The following SPTB variants were observed in gnomAD, a reference collection of about 807,000 sequenced individuals.
SPTB encodes spectrin beta, erythrocytic.
A neutral mutation model predicts 256.2 loss-of-function variants in SPTB; 45 were observed. The ratio of observed to expected loss-of-function variants is 0.18; its 90% confidence interval spans 0.14 to 0.23. The LOEUF (loss-of-function observed/expected upper bound fraction) is 0.23, where lower values mean the gene tolerates loss of function less well. SPTB is among the 10% of genes least tolerant of loss of function. The probability of loss-of-function intolerance (pLI) is 1.00; values close to 1 mark genes in which losing one functional copy is unlikely to be tolerated. For synonymous variants in SPTB, 1,231 were observed against 1,243.1 expected (o/e 0.99, Z 0.21); for missense variants, 2,715 against 3,040.4 (o/e 0.89, Z 2.52).
In SPTB at chr14:64,800,348, C is replaced by T. The variant is rs148565557; in HGVS notation, c.876+408G>A. On this transcript the variant is annotated intron_variant, in intron 8 of 35. Coordinates refer to ENST00000644917, the MANE Select transcript of SPTB (RefSeq NM_001355436.2). ...AGATGAATGAGAAATGGTACCTATA[C>T]TCTAAGAGCTAAGGATCTAGCAGAG... 1.0e-3 allele frequency among the ~76,000 whole-genome samples: 154 copies of T among 152,316 alleles called. 2 individuals are homozygous for T. The highest frequency in any genetic ancestry group is 3.3e-3 in the African/African-American group (136 of 41,560).
chr14:64,774,452 T>C lies in SPTB; in HGVS notation c.4918A>G (p.Ile1640Val). ...TGGGCCCGGCTGGCCAGCTGCTTGA[T>C]GTTCCGGCCGTAGTCCTCCACCGCA... ...QRAVEDYGRN[I>V]KQLASRAQGL... is the part of the protein sequence containing the mutation. The change falls in exon 24 of 36, where the codon ATC (isoleucine) becomes GTC (valine). Residue 1640 changes from isoleucine (I) to valine (V), a missense_variant. Around this residue, in one of 4 missense-constraint regions of SPTB, gnomAD observed 2,239 missense variants for 2,384.4 expected, o/e 0.94. Coordinates refer to ENST00000644917, the MANE Select transcript of SPTB (RefSeq NM_001355436.2). 1.9e-6 allele frequency: 3 copies of C among 1,568,366 alleles called. No homozygotes were observed. The African/African-American group carries it at 4.1e-5, about 21-fold the overall frequency.
intron 2 of SPTB, 143 bp downstream of exon 2, chr14:64,822,804 C>T (rs2083316715): frequency 7.7e-7 from 1 of 1,301,572 alleles, no homozygotes; most frequent in Non-Finnish European, 1.1e-6. Context: ...GGACCCCCAC[C>T]TCCCTGAGCC....
rs1028440683 is a variant in SPTB at position 64,823,446 on chromosome 14, C to T, written c.-51-301G>A. The stretch of plus-strand genomic sequence containing the variant: ...CCAGCTGCTTCCTCCAGACCAGCCG[C>T]CCCGCCGCGGGGAGCACCCCGGGAG... On this transcript the variant is annotated intron_variant, in intron 1 of 35. Transcript: ENST00000644917. This position sits in a 1 kb window ranked among gnomAD's most constrained non-coding sequence, Gnocchi z 6.5. 6.6e-6 allele frequency among the ~76,000 whole-genome samples: 1 copy of T among 152,200 alleles called. No individual in the cohort carries two copies. The highest frequency in any genetic ancestry group is 1.9e-4 in the East Asian group (1 of 5,188).
chr14:64,827,832 T>G lies in SPTB; in HGVS notation c.-51-4687A>C, dbSNP rs1309435718. On this transcript the variant is annotated intron_variant, in intron 1 of 35. Transcript: ENST00000644917. This position sits in a 1 kb window ranked among gnomAD's most constrained non-coding sequence, Gnocchi z 4.6. ...TAGAAATTACAGCTCAGTCTCAATA[T>G]GGCTAAGACTGAGCATGGGGCTACC... 6.6e-6 allele frequency among the ~76,000 whole-genome samples: 1 copy of G among 152,160 alleles called. No homozygotes were observed. Among genetic ancestry groups the G allele is most frequent in the African/African-American group, 2.4e-5 (1 of 41,432 alleles).
chr14:64,849,518 C>A (rs959977677), intron 1 of SPTB, among the ~76,000 whole-genome samples: 11 of 152,214 alleles, frequency 7.2e-5, no homozygotes, highest in Non-Finnish European at 1.5e-4. Context: ...ACCTTGGACA[C>A]TTCATCCTAA....
chr14:64,863,681 A>C (rs548378813), intron 1 of SPTB, among the ~76,000 whole-genome samples: 1 of 152,330 alleles, frequency 6.6e-6, no homozygotes, highest in Admixed American at 6.5e-5. Context: ...TGCACATAGT[A>C]GATTCTAGGT....
intron 1 of SPTB, among the ~76,000 whole-genome samples, chr14:64,859,714 CTCTCTCTATA>C (rs137885787): frequency 0.36 from 21,506 of 58,934 alleles, 1,574 homozygotes; most frequent in Non-Finnish European, 0.45. Context: ...CTCTCTCTCT[CTCTCTCTATA>C]TATATATATA....
chr14:64,755,646 CCTCTGAGAAAGGGAGGTCTGGAAAGT>C, intron 32 of SPTB: 1 of 152,224 alleles, frequency 6.6e-6, no homozygotes, highest in South Asian at 2.1e-4. Context: ...GGTGGGAAAG[CCTCTGAGAAAGGGAGGTCTGGAAAGT>C]CTCACACCCC....
At chr14:64,813,603 C>T (rs1289246937) in intron 2 of SPTB, among the ~76,000 whole-genome samples, 1 of 152,210 alleles carries the variant, frequency 6.6e-6, no homozygotes, top group Non-Finnish European at 1.5e-5. Flanking sequence ...CTCACTGCAA[C>T]CTCTGCCTCC....
chr14:64,822,382 A>T (rs950286852), intron 2 of SPTB, among the ~76,000 whole-genome samples: 6 of 130,248 alleles, frequency 4.6e-5, no homozygotes, highest in Non-Finnish European at 6.9e-5. Flanking sequence ...TCTCACACAC[A>T]CACACACACA....
In SPTB at chr14:64,753,782, CTCT is replaced by C. The variant is rs750154106; in HGVS notation, c.6354_6356del (p.Glu2119del). 1.2e-4 allele frequency: 192 copies of C among 1,613,170 alleles called. No homozygotes were observed. Among genetic ancestry groups the C allele is most frequent in the Non-Finnish European group, 1.6e-4 (184 of 1,180,026 alleles). On this transcript the variant is annotated inframe_deletion, in exon 33 of 36. Transcript: ENST00000644917. ...GCTGCAGGTTCTGAGGCCACGTTCC[CTCT>C]TCTTCCCCCTGCTCAGGGCATAGGG...
Position 64,822,853 on chromosome 14 carries a change from C to T in SPTB, c.148+94G>A. 3 of 1,571,186 alleles carry T rather than the reference C, an allele frequency of 1.9e-6. No homozygotes were observed. In the Admixed American group the frequency reaches 5.0e-5, roughly 26 times the overall value. ...TCCATCACTGCCATGCCAGGGCTCA[C>T]CCAACACACACAGAGGATTCACACT... On this transcript the variant is annotated intron_variant, in intron 2 of 35. Coordinates refer to ENST00000644917, the MANE Select transcript of SPTB (RefSeq NM_001355436.2).
In SPTB at chr14:64,790,564, A is replaced by G. The variant is rs887101214; in HGVS notation, c.2804+1155T>C. Among the ~76,000 whole-genome samples, 1 of 152,192 alleles carries G rather than the reference A, an allele frequency of 6.6e-6. No homozygotes were observed. The highest frequency in any genetic ancestry group is 1.5e-5 in the Non-Finnish European group (1 of 68,026). ...CTTGGGCTGCTAAGACAATCATCCC[A>G]TTCTAGTGGCTCTAAAGAATTCTGG... On this transcript the variant is annotated intron_variant, in intron 15 of 35. Transcript: ENST00000644917. The surrounding 1 kb of genome is among the most constrained non-coding windows in gnomAD (Gnocchi z 4.8).
intron 1 of SPTB, among the ~76,000 whole-genome samples, chr14:64,875,022 T>A (rs1464281496): frequency 6.6e-6 from 1 of 152,168 alleles, no homozygotes; most frequent in East Asian, 1.9e-4. Context: ...TTGCCCCCAC[T>A]GCTCACATGA....
At position 64,746,623 on chromosome 14, in the gene SPTB, TGAGCCTTCCACGGGCC is replaced by T. The variant is rs1251300968; in HGVS notation, c.*2667_*2682del. On this transcript the variant is annotated 3_prime_UTR_variant, in exon 36 of 36. Coordinates refer to ENST00000644917, the MANE Select transcript of SPTB (RefSeq NM_001355436.2). This position sits in a 1 kb window ranked among gnomAD's most constrained non-coding sequence, Gnocchi z 4.9. ...AGGAGGAGGGATGCGGAGGAGAGGCTGAGCCTTCCACGGGCCTCCTGTTAGGGGTGTTGGTGGAGGC... is the reference window on the plus strand; with the variant it reads ...AGGAGGAGGGATGCGGAGGAGAGGCTTCCTGTTAGGGGTGTTGGTGGAGGC... 1 of 152,406 alleles carries T rather than the reference TGAGCCTTCCACGGGCC, an allele frequency of 6.6e-6. No individual in the cohort carries two copies. Among genetic ancestry groups the T allele is most frequent in the African/African-American group, 2.4e-5 (1 of 41,424 alleles). 9.4% of individuals were successfully genotyped at this position (152,406 alleles called of 1,614,324 possible).
chr14:64,779,319 G>A lies in SPTB; in HGVS notation c.4474-73C>T, dbSNP rs1221262542. ...CCTTTCCTGAGTGCTCACCATGGGC[G>A]GCGCAGAGCTTTGCTGGCAGTGTCT... On this transcript the variant is annotated intron_variant, in intron 21 of 35. Coordinates refer to ENST00000644917, the MANE Select transcript of SPTB (RefSeq NM_001355436.2). This position sits in a 1 kb window ranked among gnomAD's most constrained non-coding sequence, Gnocchi z 4.2. The A allele has an allele frequency of 1.4e-5, 18 of 1,298,332 alleles. No homozygotes were observed. Among genetic ancestry groups the A allele is most frequent in the South Asian group, 7.5e-5 (6 of 80,096 alleles). 80.4% of individuals were successfully genotyped at this position (1,298,332 alleles called of 1,614,324 possible).
In SPTB at chr14:64,748,175, A is replaced by G. The variant is rs1430080037; in HGVS notation, c.*1131T>C. 1.3e-5 allele frequency: 2 copies of G among 149,650 alleles called. No homozygotes were observed. Among genetic ancestry groups the G allele is most frequent in the African/African-American group, 2.6e-5 (1 of 39,064 alleles). 9.3% of individuals were successfully genotyped at this position (149,650 alleles called of 1,614,324 possible). A position where few individuals can be genotyped will look rare whatever the true frequency, so the allele number is the denominator to read the frequency against. On this transcript the variant is annotated 3_prime_UTR_variant, in exon 36 of 36. Transcript: ENST00000644917. Reference sequence around the variant, plus strand: ...GTCACATGGGTGGTGATACCAAGACATGGCTGCGTCTGCCACCCCGAGAAA... The same window carrying G: ...GTCACATGGGTGGTGATACCAAGACGTGGCTGCGTCTGCCACCCCGAGAAA...
At chr14:64,769,180 C>T (rs1037838761) in intron 28 of SPTB, 62 bp from the exon 29 acceptor site, 65 of 1,462,450 alleles carry the variant, frequency 4.4e-5, no homozygotes, top group Admixed American at 1.8e-4. Context: ...TGAGGCAGTG[C>T]GCAGATGGGT....
Position 64,802,371 on chromosome 14 carries a change from CT to C in SPTB, c.475-55del. The C allele has an allele frequency of 6.4e-7, 1 of 1,563,528 alleles. No individual in the cohort carries two copies. The highest frequency in any genetic ancestry group is 8.8e-7 in the Non-Finnish European group (1 of 1,139,386). ...AAGAGGATGTGCATCTGGATCTGTG[CT>C]TTCCTGCCGTCCCTGGGAGGCTCCC... On this transcript the variant is annotated intron_variant, in intron 4 of 35. Transcript: ENST00000644917. The surrounding 1 kb of genome is among the most constrained non-coding windows in gnomAD (Gnocchi z 5.1).
Sources: allele counts gnomAD v4.1 joint callset (sites outside exome capture counted in the v4.1 genomes callset), GRCh38; gene constraint gnomAD v4.1.1; regional missense constraint gnomAD v4.1.1; non-coding constraint Gnocchi (gnomAD v3.1); transcripts MANE v1.5; gene names NCBI Gene and HGNC (gene_info 2026-07-23, HGNC 2026-07-21).